The following ZBTB16 variants were observed in gnomAD, a reference collection of about 807,000 sequenced individuals.
ZBTB16 encodes the protein zinc finger and BTB domain containing 16.
A neutral mutation model predicts 56.8 loss-of-function variants in ZBTB16; 8 were observed. The ratio of observed to expected loss-of-function variants is 0.14; its 90% CI spans 0.08 to 0.25. The LOEUF (loss-of-function observed/expected upper bound fraction) is 0.25, where lower values mean the gene tolerates loss of function less well. Among genes scored for constraint, ZBTB16 ranks in the 10% least tolerant of loss-of-function variants. The probability of loss-of-function intolerance (pLI) is 1.00; values close to 1 mark genes in which losing one functional copy is unlikely to be tolerated. For missense variants in ZBTB16, 625 were observed against 903.0 expected (o/e 0.69, Z 3.95); for synonymous variants, 363 against 368.5 (o/e 0.98, Z 0.17).
Position 114,170,367 on chromosome 11 carries a change from C to T in ZBTB16, c.1366+13933C>T, listed in dbSNP as rs114511097. ...GGTCTCAGGACGTGCCCCAGCCCAC[C>T]TCCTCGGACCACGTGGGTGAAGCCC... On this transcript the variant is annotated intron_variant, in intron 3 of 6. Transcript: ENST00000335953. Among the ~76,000 whole-genome samples, 634 of 152,340 alleles carry T rather than the reference C, an allele frequency of 4.2e-3. 5 individuals carry two copies. The highest frequency in any genetic ancestry group is 0.015 in the African/African-American group (606 of 41,578).
intron 2 of ZBTB16, among the ~76,000 whole-genome samples, chr11:114,148,424 C>CCTCCCT (rs1942183193): frequency 4.1e-5 from 1 of 24,420 alleles, no homozygotes; most frequent in African/African-American, 1.7e-4. Flanking sequence ...TCCCTCCCTC[C>CCTCCCT]CTCTCTCTCT....
chr11:114,090,263 G>T (rs562929010), intron 2 of ZBTB16, among the ~76,000 whole-genome samples: 17 of 152,342 alleles, frequency 1.1e-4, no homozygotes, highest in African/African-American at 3.8e-4. Context: ...TTTCTGTGGG[G>T]TGAGGCCATT....
At chr11:114,108,093 T>C (rs1048683700) in intron 2 of ZBTB16, among the ~76,000 whole-genome samples, 4 of 152,104 alleles carry the variant, frequency 2.6e-5, no homozygotes, top group Non-Finnish European at 5.9e-5. Flanking sequence ...GAGGAGACCA[T>C]ACGGCTTTAT....
In ZBTB16 at chr11:114,186,962, A is replaced by C. The variant is rs1430398474; in HGVS notation, c.1377A>C (p.Lys459Asn). 6.2e-7 allele frequency: 1 copy of C among 1,613,918 alleles called. No homozygotes were observed. The highest frequency in any genetic ancestry group is 2.2e-5 in the East Asian group (1 of 44,858). ...MHLLAHSAGA[K>N]AFVCDQCGAQ... ...TCTCCTTTCTTTCAGCGGGTGCCAA[A>C]GCCTTTGTCTGTGATCAGTGCGGTG... Residue 459 changes from lysine to asparagine, a missense_variant, in exon 4 of 7, where the codon AAA (lysine) becomes AAC (asparagine). Around this residue, in one of 6 missense-constraint regions of ZBTB16, gnomAD observed 140 missense variants for 214.8 expected, o/e 0.65. Coordinates refer to ENST00000335953, the MANE Select transcript of ZBTB16 (RefSeq NM_006006.6).
chr11:114,181,724 ATTTTTCTC>A (rs1565671938), intron 3 of ZBTB16, among the ~76,000 whole-genome samples: 15 of 152,040 alleles, frequency 9.9e-5, no homozygotes, highest in African/African-American at 3.1e-4. Context: ...AGATCCTGCT[ATTTTTCTC>A]GGTTTGCTTG....
chr11:114,209,473 A>G, intron 4 of ZBTB16: 1 of 985,356 alleles, frequency 1.0e-6, no homozygotes, highest in Non-Finnish European at 1.2e-6. Context: ...GGAGATCCCC[A>G]GAGGCCCCTC....
chr11:114,096,591 G>A (rs917775490), intron 2 of ZBTB16, among the ~76,000 whole-genome samples: 5 of 152,006 alleles, frequency 3.3e-5, no homozygotes, highest in African/African-American at 4.8e-5. Flanking sequence ...GTGCAGTAAT[G>A]GCATATTGAG....
intron 5 of ZBTB16, among the ~76,000 whole-genome samples, chr11:114,244,594 G>A (rs1248455168): frequency 3.3e-5 from 5 of 152,068 alleles, no homozygotes; most frequent in African/African-American, 7.2e-5. Context: ...CTTCCAAATC[G>A]GGATGGGGAT....
intron 2 of ZBTB16, among the ~76,000 whole-genome samples, chr11:114,151,006 G>A (rs1409823765): frequency 6.6e-6 from 1 of 152,180 alleles, no homozygotes; most frequent in African/African-American, 2.4e-5. Context: ...TTCTCATGGG[G>A]GCGGCAGACT....
chr11:114,103,523 G>GT (rs1940686683), intron 2 of ZBTB16, among the ~76,000 whole-genome samples: 2 of 152,094 alleles, frequency 1.3e-5, no homozygotes, highest in South Asian at 4.2e-4. Context: ...GTAACCACAT[G>GT]TAACAGCCGG....
intron 2 of ZBTB16, among the ~76,000 whole-genome samples, chr11:114,120,543 A>G (rs150002270): frequency 6.0e-4 from 92 of 152,184 alleles, no homozygotes; most frequent in African/African-American, 2.1e-3. Flanking sequence ...TTAGATCACT[A>G]TCGTGTGAGA....
At position 114,230,637 on chromosome 11, in the gene ZBTB16, G is replaced by GC. The variant is rs1055516028; in HGVS notation, c.1454-11530_1454-11529insC. On this transcript the variant is annotated intron_variant, in intron 4 of 6. Coordinates refer to ENST00000335953, the MANE Select transcript of ZBTB16 (RefSeq NM_006006.6). ...AATTTGTAATCATCTTCTGTGGGGG[G>GC]GGGGCGGGAAGGAGAGGAGCCATTA... Among the ~76,000 whole-genome samples the GC allele has an allele frequency of 5.3e-4, 69 of 129,812 alleles. 3 individuals carry two copies. The South Asian group carries it at 0.012, about 23-fold the overall frequency. 85.2% of individuals were successfully genotyped at this position (129,812 alleles called of 152,430 possible). A position where few individuals can be genotyped will look rare whatever the true frequency, so the allele number is the denominator to read the frequency against.
chr11:114,231,745 C>G (rs1944445250), intron 4 of ZBTB16, among the ~76,000 whole-genome samples: 1 of 152,116 alleles, frequency 6.6e-6, no homozygotes, highest in Middle Eastern at 3.2e-3. Flanking sequence ...TTCTCTTTAG[C>G]TAAAAGAAGG....
At chr11:114,204,572 T>C (rs749004858) in intron 4 of ZBTB16, among the ~76,000 whole-genome samples, 1 of 152,180 alleles carries the variant, frequency 6.6e-6, no homozygotes, top group Non-Finnish European at 1.5e-5. Flanking sequence ...CCTACACCCA[T>C]TCGTTTTTTT....
At chr11:114,102,451 T>C (rs1940644635) in intron 2 of ZBTB16, among the ~76,000 whole-genome samples, 1 of 152,172 alleles carries the variant, frequency 6.6e-6, no homozygotes, top group Non-Finnish European at 1.5e-5. Context: ...TCATTCATCA[T>C]CACTCTTCTC....
intron 2 of ZBTB16, among the ~76,000 whole-genome samples, chr11:114,126,291 G>A (rs1334011794): frequency 9.9e-5 from 15 of 152,198 alleles, no homozygotes; most frequent in Non-Finnish European, 1.5e-5. Context: ...ATGTGATCTA[G>A]AAGGAGCCAT....
At chr11:114,135,284 A>G (rs1450743528) in intron 2 of ZBTB16, among the ~76,000 whole-genome samples, 2 of 152,144 alleles carry the variant, frequency 1.3e-5, no homozygotes, top group Non-Finnish European at 2.9e-5. Context: ...AAGATGTACA[A>G]TTTGTGAGTG....
intron 4 of ZBTB16, chr11:114,209,483 C>G: frequency 9.1e-6 from 9 of 985,396 alleles, no homozygotes; most frequent in Non-Finnish European, 1.1e-5. Flanking sequence ...AGAGGCCCCT[C>G]TCCCCAGACC....
In ZBTB16 at chr11:114,128,585, A is replaced by G. The variant is rs146326018; in HGVS notation, c.1269-27752A>G. The stretch of plus-strand genomic sequence containing the variant: ...TGGGATGCAGTGAGGTGAAGCCAAT[A>G]AAACCCTTATTAGCACCTGGCACAC... On this transcript the variant is annotated intron_variant, in intron 2 of 6. Coordinates refer to ENST00000335953, the MANE Select transcript of ZBTB16 (RefSeq NM_006006.6). Among the ~76,000 whole-genome samples the G allele has an allele frequency of 2.4e-3, 365 of 152,332 alleles. 2 individuals carry two copies. The highest frequency in any genetic ancestry group is 8.5e-3 in the African/African-American group (354 of 41,576).
Sources: allele counts gnomAD v4.1 joint callset (sites outside exome capture counted in the v4.1 genomes callset), GRCh38; gene constraint gnomAD v4.1.1; regional missense constraint gnomAD v4.1.1; transcripts MANE v1.5; gene names NCBI Gene and HGNC (gene_info 2026-07-23, HGNC 2026-07-21).